The following FGD5 variants were observed in gnomAD, a reference collection of about 807,000 sequenced individuals.
The protein encoded by FGD5 is FYVE, RhoGEF and PH domain-containing protein 5.
A neutral mutation model predicts 133.4 loss-of-function variants in FGD5; 28 were observed. That is an observed-to-expected ratio of 0.21 (90% CI 0.16 to 0.29). The LOEUF is 0.29. Among genes scored for constraint, FGD5 ranks in the 10% least tolerant of loss-of-function variants. FGD5 has a pLI of 1.00. For synonymous variants in FGD5, 810 were observed against 776.5 expected, an observed-to-expected ratio of 1.04 and a Z score of -0.72; for missense variants, 1,858 against 1,895.2, an observed-to-expected ratio of 0.98 and a Z score of 0.36.
At chr3:14,867,131 C>T (rs1214691993) in intron 2 of FGD5, among the ~76,000 whole-genome samples, 1 of 152,236 alleles carries the variant, frequency 6.6e-6, no homozygotes, top group African/African-American at 2.4e-5. Context: ...ATATGTAAAT[C>T]ACTGCAGATG....
At chr3:14,932,414 TC>T in intron 18 of FGD5, 162 bp from the exon 19 acceptor site, 1 of 701,950 alleles carries the variant, frequency 1.4e-6, no homozygotes, top group Non-Finnish European at 2.3e-6. Flanking sequence ...CAGGGCTGGC[TC>T]TGGGGGGAAG....
At chr3:14,821,992 C>T (rs1252040414) in intron 1 of FGD5, among the ~76,000 whole-genome samples, 2 of 151,744 alleles carry the variant, frequency 1.3e-5, no homozygotes, top group African/African-American at 2.4e-5. Flanking sequence ...CCCAGCTGCT[C>T]GGGAGGCTGA....
At chr3:14,845,239 G>A (rs1317948562) in intron 1 of FGD5, among the ~76,000 whole-genome samples, 3 of 152,194 alleles carry the variant, frequency 2.0e-5, no homozygotes, top group Non-Finnish European at 4.4e-5. Context: ...CTAGACAGCA[G>A]GAAGGGTTTC....
At chr3:14,914,510 G>A (rs763273492) in intron 11 of FGD5, among the ~76,000 whole-genome samples, 27 of 152,218 alleles carry the variant, frequency 1.8e-4, no homozygotes, top group Non-Finnish European at 2.6e-4. Flanking sequence ...AGGAGACCTC[G>A]GGGTGCTCAT....
At chr3:14,896,296 A>C (rs1020560432) in intron 4 of FGD5, among the ~76,000 whole-genome samples, 18 of 152,200 alleles carry the variant, frequency 1.2e-4, no homozygotes, top group Admixed American at 1.3e-4. Context: ...CCTAAGATTT[A>C]TATGTAACCA....
At chr3:14,907,046 A>G (rs2038354876) in intron 9 of FGD5, among the ~76,000 whole-genome samples, 1 of 152,168 alleles carries the variant, frequency 6.6e-6, no homozygotes, top group Non-Finnish European at 1.5e-5. Flanking sequence ...TCTACCCACA[A>G]TGTTCACCTT....
chr3:14,865,282 T>A (rs1160613963), intron 2 of FGD5, among the ~76,000 whole-genome samples: 2 of 152,212 alleles, frequency 1.3e-5, no homozygotes, highest in Non-Finnish European at 2.9e-5. Context: ...TTAGTTTTGC[T>A]ACATTGATTA....
intron 4 of FGD5, among the ~76,000 whole-genome samples, chr3:14,885,245 G>T (rs1271494960): frequency 6.6e-6 from 1 of 151,680 alleles, no homozygotes; most frequent in East Asian, 2.0e-4. Context: ...AGTGGACAAG[G>T]GTCCAGAGCT....
At chr3:14,822,519 G>A (rs1430284861) in intron 1 of FGD5, among the ~76,000 whole-genome samples, 1 of 148,540 alleles carries the variant, frequency 6.7e-6, no homozygotes, top group Non-Finnish European at 1.5e-5. Context: ...GATTCACTTT[G>A]GAAGTGAGAG....
intron 1 of FGD5, among the ~76,000 whole-genome samples, chr3:14,844,217 A>AAATATAT (rs1559477363): frequency 9.8e-5 from 2 of 20,370 alleles, no homozygotes; most frequent in African/African-American, 2.1e-4. Context: ...AAAAAAAAAA[A>AAATATAT]ATATATATAT....
chr3:14,896,552 C>T (rs1038211477), intron 4 of FGD5, among the ~76,000 whole-genome samples: 4 of 152,032 alleles, frequency 2.6e-5, no homozygotes, highest in Non-Finnish European at 5.9e-5. Flanking sequence ...CTCACTGCAC[C>T]CTCTGCCTCC....
intron 2 of FGD5, among the ~76,000 whole-genome samples, chr3:14,866,472 A>G (rs902310739): frequency 6.6e-6 from 1 of 152,024 alleles, no homozygotes; most frequent in African/African-American, 2.4e-5. Context: ...TCCCAGGACT[A>G]AGGAGCTAGC....
intron 2 of FGD5, among the ~76,000 whole-genome samples, chr3:14,878,908 T>G (rs2037773354): frequency 1.3e-5 from 2 of 152,054 alleles, no homozygotes; most frequent in African/African-American, 4.8e-5. Context: ...AGGGTTTCGC[T>G]GTGTTGGCCA....
intron 1 of FGD5, among the ~76,000 whole-genome samples, chr3:14,852,267 A>G (rs1029649953): frequency 4.6e-5 from 7 of 152,236 alleles, no homozygotes; most frequent in African/African-American, 1.4e-4. Context: ...ATGAAAAAGA[A>G]TGAAGAGCTG....
chr3:14,848,209 G>A (rs1239665369), intron 1 of FGD5, among the ~76,000 whole-genome samples: 5 of 152,156 alleles, frequency 3.3e-5, no homozygotes, highest in Admixed American at 6.5e-5. Context: ...CCCTTTGGAC[G>A]AGGCTTTTCG....
At chr3:14,813,329 A>G (rs1464117155) in intron 1 of FGD5, among the ~76,000 whole-genome samples, 1 of 152,146 alleles carries the variant, frequency 6.6e-6, no homozygotes, top group Non-Finnish European at 1.5e-5. Context: ...TGCTCTTCCC[A>G]CACTGTCCTG....
chr3:14,926,401 A>G (rs1370527038), intron 18 of FGD5, among the ~76,000 whole-genome samples: 1 of 152,206 alleles, frequency 6.6e-6, no homozygotes, highest in Non-Finnish European at 1.5e-5. Context: ...AATCTAAGGA[A>G]TTTGCAGTTT....
chr3:14,854,410 T>C (rs2037232581), intron 1 of FGD5, among the ~76,000 whole-genome samples: 1 of 124,698 alleles, frequency 8.0e-6, no homozygotes, highest in Non-Finnish European at 1.7e-5. Context: ...TATTTATTTA[T>C]TTATTTATTT....
intron 1 of FGD5, among the ~76,000 whole-genome samples, chr3:14,838,853 A>G (rs1011745000): frequency 6.6e-6 from 1 of 152,156 alleles, no homozygotes; most frequent in Non-Finnish European, 1.5e-5. Context: ...TCCCAAAACT[A>G]TAGGGAGAAA....
Sources: gnomAD v4.1 joint callset for allele counts (sites outside exome capture counted in the v4.1 genomes callset) on GRCh38, gnomAD v4.1.1 for gene constraint, MANE v1.5 for transcripts, NCBI Gene and HGNC (gene_info 2026-07-23, HGNC 2026-07-21) for gene names.